ZZEF1: variants seen among roughly 807,000 people sequenced by gnomAD.
ZZEF1 encodes the protein zinc finger ZZ-type and EF-hand domain-containing protein 1.
ZZEF1 carries 157 observed loss-of-function variants against 342.8 expected under a neutral mutation model. The ratio of observed to expected loss-of-function variants is 0.46; its 90% CI spans 0.40 to 0.52. ZZEF1 has a LOEUF of 0.52. Ranked by LOEUF, ZZEF1 falls within the 20% of genes least tolerant of loss-of-function variation. ZZEF1 has a pLI of 0.00. For synonymous variants in ZZEF1, 1,505 were observed against 1,429.1 expected (o/e 1.05, Z -1.20); for missense variants, 3,480 against 3,725.6 (o/e 0.93, Z 1.72).
chr17:4,054,184 G>A lies in ZZEF1; in HGVS notation c.5307C>T (p.Phe1769=), dbSNP rs762864465. 6.2e-7 allele frequency: 1 copy of A among 1,611,914 alleles called. No individual in the cohort carries two copies. The highest frequency in any genetic ancestry group is 8.5e-7 in the Non-Finnish European group (1 of 1,179,068). The part of the protein sequence containing the change: ...DPEKQRKMHM[F]IARYCDLLNV... ...TTAACAGGTCACAGTAGCGAGCAATGAACATGTGCATCTGTAAGGCCAAAC... is the reference window on the plus strand; with the variant it reads ...TTAACAGGTCACAGTAGCGAGCAATAAACATGTGCATCTGTAAGGCCAAAC... The change falls in exon 34 of 55, where the codon TTC becomes TTT. Residue 1769 remains phenylalanine, a synonymous_variant. Coordinates refer to ENST00000381638, the MANE Select transcript of ZZEF1 (RefSeq NM_015113.4).
chr17:4,020,153 AG>A (rs1364989616), intron 45 of ZZEF1: 1 of 171,858 alleles, frequency 5.8e-6, no homozygotes, highest in Non-Finnish European at 1.2e-5. Flanking sequence ...TTTTTGACAC[AG>A]GGTCTCACTT....
chr17:4,067,106 T>G, intron 27 of ZZEF1, 57 bp downstream of exon 27: 5 of 1,399,726 alleles, frequency 3.6e-6, no homozygotes, highest in Non-Finnish European at 5.0e-6. Context: ...CTTAATTCCA[T>G]GATATCACGG....
In ZZEF1 at chr17:4,075,409, T is replaced by G; in HGVS notation, c.3255A>C (p.Gln1085His). 6.2e-7 allele frequency: 1 copy of G among 1,614,030 alleles called. No individual in the cohort carries two copies. Among genetic ancestry groups the G allele is most frequent in the Non-Finnish European group, 8.5e-7 (1 of 1,179,964 alleles). ...GLRKLDVETW[Q>H]QEQPVVLHTW... Reference sequence around the variant, plus strand: ...TATGTAACACCACAGGCTGTTCCTGTTGCCAGGTCTCAACATCCAGCTATG... The same window carrying G: ...TATGTAACACCACAGGCTGTTCCTGGTGCCAGGTCTCAACATCCAGCTATG... The change falls in exon 22 of 55, where the codon CAA (glutamine) becomes CAC (histidine). Residue 1085 changes from glutamine to histidine, a missense_variant. Gln to His is a conservative substitution (Grantham distance 24). This residue lies in a region of ZZEF1 where 1,528 missense variants were observed against 1,624.1 expected (regional missense o/e 0.94). Coordinates refer to ENST00000381638, the MANE Select transcript of ZZEF1 (RefSeq NM_015113.4).
rs1179743466 is a variant in ZZEF1, at chr17:4,027,286, C to CTTTTTTTTTTTTTTTT, written c.6893-2184_6893-2169dup. The stretch of plus-strand genomic sequence containing the variant: ...GACCTACGCACCCAGCAATATCTCA[C>CTTTTTTTTTTTTTTTT]TTTTTTTTTTTTTTTTTTTTTTTTT... On this transcript the variant is annotated intron_variant, in intron 42 of 54. Coordinates refer to ENST00000381638, the MANE Select transcript of ZZEF1 (RefSeq NM_015113.4). 4.4e-5 allele frequency among the ~76,000 whole-genome samples: 3 copies of CTTTTTTTTTTTTTTTT among 67,980 alleles called. 1 individual carries two copies. Among genetic ancestry groups the CTTTTTTTTTTTTTTTT allele is most frequent in the African/African-American group, 2.0e-4 (3 of 14,914 alleles). 44.6% of individuals were successfully genotyped at this position (67,980 alleles called of 152,430 possible).
At position 4,032,184 on chromosome 17, in the gene ZZEF1, G is replaced by A. The variant is rs1407165501; in HGVS notation, c.6834C>T (p.His2278=). The A allele has an allele frequency of 6.2e-7, 1 of 1,613,928 alleles. No homozygotes were observed. Among genetic ancestry groups the A allele is most frequent in the Non-Finnish European group, 8.5e-7 (1 of 1,180,018 alleles). ...NEPHNVIILK[H]FTEKNRAVIV... is the part of the protein sequence containing the mutation. ...TCACAGCCCTGTTCTTCTCAGTAAA[G>A]TGCTTCAAGATGATCACATTATGGG... The change falls in exon 42 of 55, where the codon CAC becomes CAT. Residue 2278 remains histidine, a synonymous_variant. Coordinates refer to ENST00000381638, the MANE Select transcript of ZZEF1 (RefSeq NM_015113.4).
At chr17:4,044,402 A>G in intron 37 of ZZEF1, 28 bp from the exon 38 acceptor site, 2 of 1,586,314 alleles carry the variant, frequency 1.3e-6, no homozygotes, top group Non-Finnish European at 1.7e-6. Flanking sequence ...TAAAAGAATT[A>G]AGGTTTCTTA....
intron 6 of ZZEF1, among the ~76,000 whole-genome samples, chr17:4,107,753 TAAAG>T (rs942346786): frequency 6.6e-6 from 1 of 152,098 alleles, no homozygotes; most frequent in African/African-American, 2.4e-5. Context: ...CAGTCACAAA[TAAAG>T]AAATAGGCTG....
At chr17:4,092,751 C>G (rs539395715) in intron 11 of ZZEF1, among the ~76,000 whole-genome samples, 2 of 152,176 alleles carry the variant, frequency 1.3e-5, no homozygotes, top group South Asian at 4.1e-4. Context: ...TTTTAATCTA[C>G]TCTTTGGGAG....
In ZZEF1 at chr17:4,014,399, G is replaced by T. The variant is rs771497957; in HGVS notation, c.8262C>A (p.Asp2754Glu). The T allele has an allele frequency of 2.2e-5, 35 of 1,614,116 alleles. No individual in the cohort carries two copies. The highest frequency in any genetic ancestry group is 5.3e-5 in the African/African-American group (4 of 74,928). The change falls in exon 50 of 55, where the codon GAC (aspartate) becomes GAA (glutamate). Residue 2754 changes from aspartate to glutamate, a missense_variant. This residue lies in a region of ZZEF1 where 1,269 missense variants were observed against 1,342.4 expected (regional missense o/e 0.95). Coordinates refer to ENST00000381638, the MANE Select transcript of ZZEF1 (RefSeq NM_015113.4). The surrounding 1 kb of genome is among the most constrained non-coding windows in gnomAD (Gnocchi z 4.4). ...AMSSSSDFQQ[D>E]RHSFSGSQQK... ...GCTGAGACCCGCTGAAGCTGTGTCG[G>T]TCTTGCTGGAAGTCACTGCTGCTGG...
Position 4,027,305 on chromosome 17 carries a change from T to TTTTTTTTTTTG in ZZEF1, c.6893-2188_6893-2187insCAAAAAAAAAA, listed in dbSNP as rs2056432161. Reference sequence around the variant, plus strand: ...ATCTCACTTTTTTTTTTTTTTTTTTTTTTTTTTGAGAGAAGTCTCGCTCTT... The same window carrying TTTTTTTTTTTG: ...ATCTCACTTTTTTTTTTTTTTTTTTTTTTTTTTTTTGTTTTTTTGAGAGAAGTCTCGCTCTT... On this transcript the variant is annotated intron_variant, in intron 42 of 54. Coordinates refer to ENST00000381638, the MANE Select transcript of ZZEF1 (RefSeq NM_015113.4). Among the ~76,000 whole-genome samples the TTTTTTTTTTTG allele has an allele frequency of 1.4e-5, 2 of 141,464 alleles. 1 individual carries two copies. Among genetic ancestry groups the TTTTTTTTTTTG allele is most frequent in the African/African-American group, 5.6e-5 (2 of 35,674 alleles). 92.8% of individuals were successfully genotyped at this position (141,464 alleles called of 152,430 possible).
chr17:4,139,449 T>C (rs2058807054), intron 1 of ZZEF1, among the ~76,000 whole-genome samples: 1 of 152,248 alleles, frequency 6.6e-6, no homozygotes, highest in South Asian at 2.1e-4. Context: ...TTTTAGTTGC[T>C]ACTATAAAGA....
intron 9 of ZZEF1, among the ~76,000 whole-genome samples, chr17:4,099,216 T>A (rs927243847): frequency 6.6e-6 from 1 of 152,188 alleles, no homozygotes; most frequent in Non-Finnish European, 1.5e-5. Context: ...TCACGTGGTT[T>A]TTTTCATTTT....
intron 42 of ZZEF1, among the ~76,000 whole-genome samples, chr17:4,030,030 A>G (rs1177246509): frequency 6.7e-6 from 1 of 149,728 alleles, no homozygotes; most frequent in Admixed American, 6.7e-5. Context: ...ATCCTATTAA[A>G]AAAAAAAAAA....
rs117171661 is a variant in ZZEF1, at chr17:4,125,953, G to A, written c.355-1902C>T. On this transcript the variant is annotated intron_variant, in intron 1 of 54. Coordinates refer to ENST00000381638, the MANE Select transcript of ZZEF1 (RefSeq NM_015113.4). The stretch of plus-strand genomic sequence containing the variant: ...ATAAAGATGGGTTAGGAGGCCGGGC[G>A]CGGTGGTTCACACCTGTAATCCCAG... Among the ~76,000 whole-genome samples, 540 of 152,224 alleles carry A rather than the reference G, an allele frequency of 3.5e-3. 18 individuals carry two copies. The East Asian group carries it at 0.063, about 18-fold the overall frequency.
rs1275096607 is a variant in ZZEF1, at chr17:4,067,258, G to A, written c.4076-16C>T. On this transcript the variant is annotated splice_polypyrimidine_tract_variant and intron_variant, in intron 26 of 54. Coordinates refer to ENST00000381638, the MANE Select transcript of ZZEF1 (RefSeq NM_015113.4). ...CCACTGTTGACTGGGGAGAGAAGCA[G>A]AGATGGAGATTACATTCAGGTAACA... 6.2e-7 allele frequency: 1 copy of A among 1,604,312 alleles called. No homozygotes were observed. The highest frequency in any genetic ancestry group is 1.7e-5 in the Admixed American group (1 of 58,824).
chr17:4,036,801 ACACACACACACACACACTCTCTCTCT>A (rs1567781977), intron 39 of ZZEF1, among the ~76,000 whole-genome samples: 2 of 108,896 alleles, frequency 1.8e-5, no homozygotes, highest in African/African-American at 7.7e-5. Context: ...ACACACACAC[ACACACACACACACACACTCTCTCTCT>A]CTCTCTCTCT....
Position 4,093,711 on chromosome 17 carries a change from G to A in ZZEF1, c.1913+2120C>T, listed in dbSNP as rs1396368624. ...CTAAAGCTCAAGGAGTACTGCAGTG[G>A]ATGGTACTGAAAGGCTTCTATTAAC... On this transcript the variant is annotated intron_variant, in intron 11 of 54. Transcript: ENST00000381638. 3.9e-5 allele frequency among the ~76,000 whole-genome samples: 6 copies of A among 152,180 alleles called. 1 individual carries two copies. The highest frequency in any genetic ancestry group is 8.8e-5 in the Non-Finnish European group (6 of 68,038).
At position 4,104,763 on chromosome 17, in the gene ZZEF1, G is replaced by C. The variant is rs775916771; in HGVS notation, c.1443C>G (p.Leu481=). ...EVELTLLAFA[L]ARGSVAKVMS... is the part of the protein sequence containing the mutation. ...TGACTTTGGCAACACTTCCTCTTGC[G>C]AGAGCAAAAGCCAGAAGAGTCAGTT... The change falls in exon 8 of 55, where the codon CTC becomes CTG. Residue 481 remains leucine (L), a synonymous_variant. Coordinates refer to ENST00000381638, the MANE Select transcript of ZZEF1 (RefSeq NM_015113.4). 1.9e-6 allele frequency: 3 copies of C among 1,614,130 alleles called. No individual in the cohort carries two copies. The highest frequency in any genetic ancestry group is 2.5e-6 in the Non-Finnish European group (3 of 1,180,004).
intron 1 of ZZEF1, among the ~76,000 whole-genome samples, chr17:4,130,331 T>C (rs1208233882): frequency 2.6e-5 from 4 of 152,058 alleles, no homozygotes; most frequent in African/African-American, 9.7e-5. Context: ...TGGGTACCTG[T>C]AGTCCCAGCT....
Sources: gnomAD v4.1 joint callset for allele counts (sites outside exome capture counted in the v4.1 genomes callset) on GRCh38, gnomAD v4.1.1 for gene constraint, gnomAD v4.1.1 regional missense constraint, Gnocchi (gnomAD v3.1) non-coding constraint, MANE v1.5 for transcripts, NCBI Gene and HGNC (gene_info 2026-07-23, HGNC 2026-07-21) for gene names.